The following PTPRD variants were observed in gnomAD, a reference collection of about 807,000 sequenced individuals.
The protein encoded by PTPRD is receptor-type tyrosine-protein phosphatase delta.
A neutral mutation model predicts 214.5 loss-of-function variants in PTPRD; 34 were observed. The ratio of observed to expected loss-of-function variants is 0.16; its 90% CI spans 0.12 to 0.21. The LOEUF is 0.21. Ranked by LOEUF, PTPRD falls within the 10% of genes least tolerant of loss-of-function variation. The pLI, the probability that PTPRD is intolerant of heterozygous loss-of-function variation, is 1.00. For synonymous variants in PTPRD, 1,128 were observed against 845.7 expected, an observed-to-expected ratio of 1.33 and a Z score of -5.79; for missense variants, 2,545 against 2,398.7, an observed-to-expected ratio of 1.06 and a Z score of -1.27.
At chr9:8,460,657 G>A in intron 32 of PTPRD, 86 bp from the exon 33 acceptor site, 1 of 1,294,474 alleles carries the variant, frequency 7.7e-7, no homozygotes, top group Non-Finnish European at 1.1e-6. Context: ...AAAAAATCCA[G>A]GAAATAGTGG....
intron 4 of PTPRD, among the ~76,000 whole-genome samples, chr9:9,956,585 G>T (rs977346378): frequency 3.3e-5 from 5 of 151,952 alleles, no homozygotes; most frequent in Admixed American, 3.3e-4. Context: ...TTATCATTTT[G>T]TCACACATTT....
At chr9:10,517,127 T>C (rs1028514948) in intron 2 of PTPRD, among the ~76,000 whole-genome samples, 3 of 152,024 alleles carry the variant, frequency 2.0e-5, no homozygotes, top group African/African-American at 4.8e-5. Flanking sequence ...TTTTGACAGA[T>C]ATTGCACTGA....
At chr9:10,192,858 T>G (rs294857) in intron 3 of PTPRD, among the ~76,000 whole-genome samples, 44,898 of 151,928 alleles carry the variant, frequency 0.3, 6,880 homozygotes, top group East Asian at 0.54. Context: ...GACGTGTGAG[T>G]CTACACTTAT....
chr9:8,551,739 A>C (rs957348832), intron 14 of PTPRD, among the ~76,000 whole-genome samples: 16 of 152,236 alleles, frequency 1.1e-4, no homozygotes, highest in Admixed American at 8.5e-4. Flanking sequence ...TCAATTTTCC[A>C]AACATAATGA....
intron 10 of PTPRD, among the ~76,000 whole-genome samples, chr9:9,166,155 T>C (rs974208246): frequency 6.8e-6 from 1 of 147,308 alleles, no homozygotes. Context: ...TTTTTTTTTT[T>C]TAAGTTGAAT....
intron 3 of PTPRD, among the ~76,000 whole-genome samples, chr9:10,223,062 A>G (rs1057439842): frequency 2.0e-5 from 3 of 151,964 alleles, no homozygotes; most frequent in Non-Finnish European, 4.4e-5. Context: ...TATTTTCTTA[A>G]TATTGTTCAT....
At chr9:8,771,983 G>T (rs2078640447) in intron 11 of PTPRD, among the ~76,000 whole-genome samples, 1 of 151,782 alleles carries the variant, frequency 6.6e-6, no homozygotes, top group Non-Finnish European at 1.5e-5. Context: ...ACTAAAAAAA[G>T]AATAAATGCT....
At chr9:8,797,297 C>T (rs986396586) in intron 11 of PTPRD, 4 of 152,138 alleles carry the variant, frequency 2.6e-5, no homozygotes, top group Admixed American at 6.5e-5. Flanking sequence ...GTTCTTCTCA[C>T]GATAACCATA....
intron 2 of PTPRD, among the ~76,000 whole-genome samples, chr9:10,383,297 A>T (rs1011121747): frequency 2.6e-5 from 4 of 151,880 alleles, no homozygotes; most frequent in African/African-American, 9.7e-5. Flanking sequence ...ACTCTTTAAT[A>T]ACCAAGCAAT....
At chr9:8,909,032 A>T (rs911229643) in intron 11 of PTPRD, among the ~76,000 whole-genome samples, 9 of 151,438 alleles carry the variant, frequency 5.9e-5, no homozygotes, top group African/African-American at 1.9e-4. Context: ...TATGCAACTT[A>T]GATGAAAAAG....
intron 11 of PTPRD, among the ~76,000 whole-genome samples, chr9:8,735,724 A>T (rs1405984628): frequency 6.6e-6 from 1 of 152,068 alleles, no homozygotes; most frequent in Non-Finnish European, 1.5e-5. Flanking sequence ...AGCCTGGCCA[A>T]CATGGTGAAA....
intron 5 of PTPRD, among the ~76,000 whole-genome samples, chr9:9,865,147 G>A (rs1265131202): frequency 5.9e-5 from 9 of 152,056 alleles, no homozygotes; most frequent in Admixed American, 5.9e-4. Context: ...GTATGCATTG[G>A]GATGAATGAC....
At chr9:8,808,890 C>T (rs2096742950) in intron 11 of PTPRD, among the ~76,000 whole-genome samples, 1 of 152,064 alleles carries the variant, frequency 6.6e-6, no homozygotes. Context: ...AATTAAGTAC[C>T]GCTGACTGAA....
chr9:10,587,547 T>G (rs771645256), intron 2 of PTPRD, among the ~76,000 whole-genome samples: 4 of 152,052 alleles, frequency 2.6e-5, no homozygotes, highest in Non-Finnish European at 4.4e-5. Context: ...GGAAAGCTTA[T>G]GAGGAGTTGG....
At chr9:10,093,615 T>C (rs1410776138) in intron 3 of PTPRD, among the ~76,000 whole-genome samples, 1 of 151,568 alleles carries the variant, frequency 6.6e-6, no homozygotes, top group Non-Finnish European at 1.5e-5. Context: ...GGAAAATACA[T>C]TGTTCTATCA....
At chr9:9,886,875 A>G (rs1600945028) in intron 5 of PTPRD, among the ~76,000 whole-genome samples, 1 of 152,234 alleles carries the variant, frequency 6.6e-6, no homozygotes, top group Non-Finnish European at 1.5e-5. Flanking sequence ...CCTTTAGACT[A>G]CATGGACATA....
At chr9:10,357,723 G>A (rs2097304022) in intron 2 of PTPRD, among the ~76,000 whole-genome samples, 1 of 152,144 alleles carries the variant, frequency 6.6e-6, no homozygotes, top group Non-Finnish European at 1.5e-5. Context: ...CAGAGCAGCT[G>A]GAGATGCTTT....
At chr9:10,386,436 G>C (rs139408671) in intron 2 of PTPRD, among the ~76,000 whole-genome samples, 159 of 151,956 alleles carry the variant, frequency 1.0e-3, no homozygotes, top group African/African-American at 3.1e-3. Flanking sequence ...TTGAGGAAAT[G>C]ATTTAGGTCT....
intron 9 of PTPRD, among the ~76,000 whole-genome samples, chr9:9,374,973 C>G (rs1380868153): frequency 2.0e-5 from 3 of 152,062 alleles, no homozygotes; most frequent in Non-Finnish European, 4.4e-5. Context: ...AATTGGATAT[C>G]ATGAGCAAAA....
Sources: allele counts gnomAD v4.1 joint callset (sites outside exome capture counted in the v4.1 genomes callset), GRCh38; gene constraint gnomAD v4.1.1; transcripts MANE v1.5; gene names NCBI Gene and HGNC (gene_info 2026-07-23, HGNC 2026-07-21).